SLC9A9: variants seen among roughly 807,000 people sequenced by gnomAD.
SLC9A9 encodes sodium/hydrogen exchanger 9.
Under a neutral mutation model 77.8 loss-of-function variants are expected in SLC9A9, and 62 were observed. The observed-to-expected ratio is 0.80, with a 90% confidence interval of 0.65 to 0.98. The LOEUF is 0.98. Ranked by LOEUF, SLC9A9 falls within the 50% of genes least tolerant of loss-of-function variation. SLC9A9 has a pLI of 0.00. For synonymous variants in SLC9A9, 320 were observed against 283.5 expected (o/e 1.13, Z -1.29); for missense variants, 775 against 774.9 (o/e 1.00, Z 0.00).
intron 4 of SLC9A9, among the ~76,000 whole-genome samples, chr3:143,697,263 T>C (rs1395853944): frequency 6.6e-6 from 1 of 152,084 alleles, no homozygotes; most frequent in Non-Finnish European, 1.5e-5. Flanking sequence ...TAAAATTGAG[T>C]ATACTTAGGC....
chr3:143,503,665 T>TG, intron 9 of SLC9A9: 1 of 433,506 alleles, frequency 2.3e-6, no homozygotes, highest in Non-Finnish European at 4.6e-6. Context: ...GATGATGTTC[T>TG]GGAGAGTCCT....
At chr3:143,481,233 GGGA>G (rs2035568656) in intron 11 of SLC9A9, among the ~76,000 whole-genome samples, 1 of 152,164 alleles carries the variant, frequency 6.6e-6, no homozygotes, top group Non-Finnish European at 1.5e-5. Flanking sequence ...TGACTACTAG[GGGA>G]GGAGAAGTAT....
At chr3:143,391,479 G>A (rs2033563992) in intron 12 of SLC9A9, among the ~76,000 whole-genome samples, 1 of 152,214 alleles carries the variant, frequency 6.6e-6, no homozygotes, top group Non-Finnish European at 1.5e-5. Flanking sequence ...ACCAAAGGTA[G>A]ACAAAACCAC....
At chr3:143,774,225 C>G (rs1158581295) in intron 4 of SLC9A9, among the ~76,000 whole-genome samples, 1 of 152,168 alleles carries the variant, frequency 6.6e-6, no homozygotes, top group African/African-American at 2.4e-5. Context: ...ACAGGCCAAC[C>G]ACGTCACCTT....
At chr3:143,477,910 A>G (rs1196999679) in intron 11 of SLC9A9, among the ~76,000 whole-genome samples, 2 of 152,198 alleles carry the variant, frequency 1.3e-5, no homozygotes, top group Non-Finnish European at 1.5e-5. Context: ...CGGCTTCCCT[A>G]GGCAAAGGGT....
chr3:143,338,066 T>C (rs1435588649), intron 14 of SLC9A9, among the ~76,000 whole-genome samples: 1 of 152,180 alleles, frequency 6.6e-6, no homozygotes, highest in Non-Finnish European at 1.5e-5. Context: ...TATTCAAACA[T>C]ATACTCACAT....
Position 143,467,175 on chromosome 3 carries a change from A to G in SLC9A9, c.1331T>C (p.Ile444Thr), listed in dbSNP as rs746209121. ...MMMFSGLRGA[I>T]AFALAIRNTE... ...GTTCCGAATAGCTAAGGCAAATGCG[A>G]TCGCTCCTCGCAAACCTTGCAGGAA... Residue 444 changes from isoleucine (I) to threonine (T), a missense_variant, in exon 12 of 16, where the codon ATC becomes ACC. Coordinates refer to ENST00000316549, the MANE Select transcript of SLC9A9 (RefSeq NM_173653.4). 6.2e-7 allele frequency: 1 copy of G among 1,614,204 alleles called. No homozygotes were observed. Among genetic ancestry groups the G allele is most frequent in the Non-Finnish European group, 8.5e-7 (1 of 1,180,010 alleles).
At position 143,477,330 on chromosome 3, in the gene SLC9A9, ATTTT is replaced by A. The variant is rs59195338; in HGVS notation, c.1316-10144_1316-10141del. Among the ~76,000 whole-genome samples, 390 of 99,992 alleles carry A rather than the reference ATTTT, an allele frequency of 3.9e-3. 6 individuals carry two copies. The highest frequency in any genetic ancestry group is 0.013 in the African/African-American group (356 of 26,604). 65.6% of individuals were successfully genotyped at this position (99,992 alleles called of 152,430 possible). On this transcript the variant is annotated intron_variant, in intron 11 of 15. Transcript: ENST00000316549. ...CAAAATCACCTGAAGGGCTTCTTCAATTTTTTTTTTTTTTTTTCCCCCTCCCCCC... is the reference window on the plus strand; with the variant it reads ...CAAAATCACCTGAAGGGCTTCTTCAATTTTTTTTTTTTTCCCCCTCCCCCC...
chr3:143,748,864 C>CGGCTAA (rs1935267279), intron 4 of SLC9A9, among the ~76,000 whole-genome samples: 1 of 151,362 alleles, frequency 6.6e-6, no homozygotes, highest in Non-Finnish European at 1.5e-5. Flanking sequence ...CCACCGCGCC[C>CGGCTAA]GGCTAATTTT....
At chr3:143,372,608 A>T (rs1343009999) in intron 13 of SLC9A9, among the ~76,000 whole-genome samples, 2 of 152,180 alleles carry the variant, frequency 1.3e-5, no homozygotes, top group Non-Finnish European at 2.9e-5. Context: ...ACTAAAACAA[A>T]AATAAATGGG....
rs544536154 is a variant in SLC9A9, at chr3:143,356,927, T to A, written c.1604+6557A>T. On this transcript the variant is annotated intron_variant, in intron 14 of 15. Transcript: ENST00000316549. ...ATGGATGACCAAAAGCCAACCTAAA[T>A]ACCCCAAAATAATAATAGTATTCTA... Among the ~76,000 whole-genome samples, 3 of 152,280 alleles carry A rather than the reference T, an allele frequency of 2.0e-5. No individual in the cohort carries two copies. The South Asian group carries it at 6.2e-4, about 32-fold the overall frequency.
At chr3:143,697,952 A>AG (rs1420006409) in intron 4 of SLC9A9, 1 of 152,222 alleles carries the variant, frequency 6.6e-6, no homozygotes, top group Non-Finnish European at 1.5e-5. Flanking sequence ...ACAATGTGCC[A>AG]GGCACTCTTA....
chr3:143,662,071 T>C (rs534922653), intron 5 of SLC9A9, among the ~76,000 whole-genome samples: 17 of 152,188 alleles, frequency 1.1e-4, no homozygotes, highest in African/African-American at 3.4e-4. Flanking sequence ...TTAGTTACAA[T>C]TGAAAAATCT....
intron 14 of SLC9A9, among the ~76,000 whole-genome samples, chr3:143,333,646 A>G (rs547579579): frequency 6.7e-6 from 1 of 148,908 alleles, no homozygotes; most frequent in African/African-American, 2.5e-5. Context: ...CTTGCCTAGC[A>G]ACAAAGAATG....
chr3:143,371,183 T>C (rs185068408), intron 13 of SLC9A9, among the ~76,000 whole-genome samples: 4 of 152,162 alleles, frequency 2.6e-5, no homozygotes, highest in East Asian at 3.9e-4. Flanking sequence ...TCTTGTGAAA[T>C]TGAGAAATAA....
At chr3:143,627,045 G>A (rs2038342431) in intron 6 of SLC9A9, 1 of 152,134 alleles carries the variant, frequency 6.6e-6, no homozygotes, top group African/African-American at 2.4e-5. Context: ...GCTAATTTTT[G>A]TATTTTTAGT....
At chr3:143,660,839 C>G (rs747733202) in intron 5 of SLC9A9, among the ~76,000 whole-genome samples, 17 of 152,152 alleles carry the variant, frequency 1.1e-4, no homozygotes, top group Non-Finnish European at 2.2e-4. Flanking sequence ...GTCACTTAAA[C>G]AAACCCATGT....
At chr3:143,680,062 A>G (rs770228101) in intron 5 of SLC9A9, among the ~76,000 whole-genome samples, 2 of 152,110 alleles carry the variant, frequency 1.3e-5, no homozygotes, top group Non-Finnish European at 2.9e-5. Context: ...GTTAGGAGAC[A>G]TGAGAGATAA....
At chr3:143,597,340 G>A (rs773601923) in intron 6 of SLC9A9, among the ~76,000 whole-genome samples, 2 of 152,206 alleles carry the variant, frequency 1.3e-5, no homozygotes, top group Non-Finnish European at 2.9e-5. Context: ...CTGGCGTCCA[G>A]AGAAAGAGAG....
Sources: allele counts gnomAD v4.1 joint callset (sites outside exome capture counted in the v4.1 genomes callset), GRCh38; gene constraint gnomAD v4.1.1; transcripts MANE v1.5; gene names NCBI Gene and HGNC (gene_info 2026-07-23, HGNC 2026-07-21).